TRHDE: variants seen among roughly 807,000 people sequenced by gnomAD.
TRHDE encodes the protein thyrotropin releasing hormone degrading enzyme, also known as thyrotropin-releasing hormone-degrading ectoenzyme.
Under a neutral mutation model 125.7 loss-of-function variants are expected in TRHDE, and 72 were observed. The ratio of observed to expected loss-of-function variants is 0.57; its 90% confidence interval spans 0.47 to 0.70. The LOEUF is 0.70. Among genes scored for constraint, TRHDE ranks in the 30% least tolerant of loss-of-function variants. The probability of loss-of-function intolerance (pLI) is 0.00; values close to 1 mark genes in which losing one functional copy is unlikely to be tolerated. For missense variants in TRHDE, 1,110 were observed against 1,327.1 expected (o/e 0.84, Z 2.54); for synonymous variants, 509 against 509.1 (o/e 1.00, Z 0.00).
At chr12:72,472,538 T>G (rs1876697276) in intron 4 of TRHDE, among the ~76,000 whole-genome samples, 1 of 152,208 alleles carries the variant, frequency 6.6e-6, no homozygotes, top group Non-Finnish European at 1.5e-5. Context: ...CTTCTCTGAA[T>G]AGCCTCTGCC....
chr12:72,659,103 G>A (rs935035428), intron 18 of TRHDE, among the ~76,000 whole-genome samples: 1 of 152,144 alleles, frequency 6.6e-6, no homozygotes, highest in African/African-American at 2.4e-5. Context: ...AAGGGAATCA[G>A]CATCTTTATG....
At chr12:72,540,422 G>A (rs1463005451) in intron 6 of TRHDE, among the ~76,000 whole-genome samples, 1 of 151,658 alleles carries the variant, frequency 6.6e-6, no homozygotes, top group Non-Finnish European at 1.5e-5. Flanking sequence ...TGATCAGAAA[G>A]CATTCTTGTG....
chr12:72,282,793 A>G (rs898202712), intron 1 of TRHDE, among the ~76,000 whole-genome samples: 3 of 152,196 alleles, frequency 2.0e-5, no homozygotes, highest in Non-Finnish European at 4.4e-5. Context: ...CTTCTTCATA[A>G]ATACTTCTTT....
At chr12:72,183,462 G>T (rs1565657092) in intron 2 of TRHDE, among the ~76,000 whole-genome samples, 1 of 152,178 alleles carries the variant, frequency 6.6e-6, no homozygotes, top group Non-Finnish European at 1.5e-5. Flanking sequence ...CCCCAGAATT[G>T]CTGTGAATAC....
At position 72,587,336 on chromosome 12, in the gene TRHDE, A is replaced by C. The variant is rs199525414; in HGVS notation, c.2321+11794A>C. On this transcript the variant is annotated intron_variant, in intron 12 of 18. Transcript: ENST00000261180. ...TTTTTTTAAGTATGGAGAGTTGAGA[A>C]ATGCTTAGGAAAATTTTTGTTTCAA... Among the ~76,000 whole-genome samples, 14 of 152,196 alleles carry C rather than the reference A, an allele frequency of 9.2e-5. No individual in the cohort carries two copies. The East Asian group carries it at 1.7e-3, about 19-fold the overall frequency.
chr12:72,255,729 C>T (rs1180849378), intron 2 of TRHDE: 3 of 151,824 alleles, frequency 2.0e-5, no homozygotes, highest in Non-Finnish European at 2.9e-5. Context: ...TCTTCCTTAT[C>T]TCAGGACATT....
intron 2 of TRHDE, among the ~76,000 whole-genome samples, chr12:72,303,824 T>A (rs1053030136): frequency 6.6e-6 from 1 of 152,054 alleles, no homozygotes; most frequent in African/African-American, 2.4e-5. Flanking sequence ...TGGCCATGTG[T>A]CAAGCCAAAA....
chr12:72,135,032 T>TA (rs139578075), intron 2 of TRHDE, among the ~76,000 whole-genome samples: 10 of 146,996 alleles, frequency 6.8e-5, no homozygotes, highest in Non-Finnish European at 1.4e-4. Flanking sequence ...AAAACACTAT[T>TA]AAAAAAAAAA....
intron 5 of TRHDE, among the ~76,000 whole-genome samples, chr12:72,484,540 A>C (rs2135917584): frequency 6.6e-6 from 1 of 152,312 alleles, no homozygotes; most frequent in South Asian, 2.1e-4. Flanking sequence ...TTTATTTAAA[A>C]GTTTAGCATA....
chr12:72,452,518 G>C (rs1875629750), intron 3 of TRHDE, among the ~76,000 whole-genome samples: 1 of 152,108 alleles, frequency 6.6e-6, no homozygotes, highest in Admixed American at 6.6e-5. Context: ...TCTTGTTCTG[G>C]ATTTCAGAGG....
At chr12:72,194,023 T>G (rs1016033528) in intron 2 of TRHDE, among the ~76,000 whole-genome samples, 3 of 152,150 alleles carry the variant, frequency 2.0e-5, no homozygotes, top group African/African-American at 7.2e-5. Context: ...TTTGCATTTT[T>G]TAATGATTCC....
rs866477019 is a variant in TRHDE, at chr12:72,176,639, G to C, written n.279+70887G>C. 1.2e-4 allele frequency among the ~76,000 whole-genome samples: 19 copies of C among 152,308 alleles called. 1 individual carries two copies. In the Middle Eastern group the frequency reaches 0.017, roughly 136 times the overall value. On this transcript the variant is annotated intron_variant and non_coding_transcript_variant, in intron 2 of 4. Transcript: ENST00000548156. ...CTGTTATTAAATCTATGGTGCACGT[G>C]TAGCCGATGTTATCTTAGAATGGGA...
chr12:72,500,849 CTTTTT>C (rs11314911), intron 6 of TRHDE, among the ~76,000 whole-genome samples: 6 of 109,358 alleles, frequency 5.5e-5, no homozygotes, highest in African/African-American at 1.4e-4. Flanking sequence ...CAACTTTGTT[CTTTTT>C]TTTTTTTTTT....
intron 2 of TRHDE, among the ~76,000 whole-genome samples, chr12:72,375,367 G>A (rs757473394): frequency 2.6e-5 from 4 of 152,144 alleles, no homozygotes; most frequent in Admixed American, 6.6e-5. Flanking sequence ...ACGCTGTGCT[G>A]AACATGTATA....
At chr12:72,143,113 G>T (rs1293209626) in intron 2 of TRHDE, among the ~76,000 whole-genome samples, 1 of 152,152 alleles carries the variant, frequency 6.6e-6, no homozygotes, top group Non-Finnish European at 1.5e-5. Context: ...CACTGGGGTT[G>T]CAGGCACCCA....
intron 9 of TRHDE, among the ~76,000 whole-genome samples, chr12:72,566,357 A>AT (rs1471004979): frequency 6.6e-6 from 1 of 150,968 alleles, no homozygotes; most frequent in Non-Finnish European, 1.5e-5. Flanking sequence ...CAAAGTTTGT[A>AT]TCCCCAAACC....
chr12:72,600,589 A>G (rs10879457), intron 12 of TRHDE, among the ~76,000 whole-genome samples: 20,157 of 151,970 alleles, frequency 0.13, 1,437 homozygotes, highest in Middle Eastern at 0.23. Flanking sequence ...AGTTGTTCAT[A>G]ATTTTGTTTT....
intron 15 of TRHDE, among the ~76,000 whole-genome samples, chr12:72,634,423 C>CTTT (rs779986201): frequency 2.2e-5 from 3 of 134,494 alleles, no homozygotes; most frequent in Non-Finnish European, 3.3e-5. Flanking sequence ...GGAATATTTT[C>CTTT]TTTTTTTTTT....
intron 5 of TRHDE, among the ~76,000 whole-genome samples, chr12:72,473,436 T>A (rs1281209705): frequency 1.3e-5 from 2 of 152,190 alleles, no homozygotes; most frequent in Non-Finnish European, 1.5e-5. Context: ...TCAATTGTAG[T>A]ATTTTATAGT....
Sources: gnomAD v4.1 joint callset for allele counts (sites outside exome capture counted in the v4.1 genomes callset) on GRCh38, gnomAD v4.1.1 for gene constraint, MANE v1.5 for transcripts, NCBI Gene and HGNC (gene_info 2026-07-23, HGNC 2026-07-21) for gene names.